Variants in DMD observed in about 807,000 individuals in gnomAD.
DMD encodes mutant dystrophin.
A neutral mutation model predicts 330.1 loss-of-function variants in DMD; 63 were observed. That is an observed-to-expected ratio of 0.19 (90% CI 0.16 to 0.24). The LOEUF (loss-of-function observed/expected upper bound fraction) is 0.24. Ranked by LOEUF, DMD falls within the 10% of genes least tolerant of loss-of-function variation. The pLI is 1.00. For missense variants in DMD, 3,344 were observed against 2,684.1 expected, an observed-to-expected ratio of 1.25 and a Z score of -5.43; for synonymous variants, 1,223 against 959.8, an observed-to-expected ratio of 1.27 and a Z score of -5.07.
chrX:31,309,867 C>T (rs763354208), intron 62 of DMD, among the ~76,000 whole-genome samples: 3 of 111,600 alleles, frequency 2.7e-5, no homozygotes, highest in African/African-American at 9.8e-5. Context: ...AATAGAAAAA[C>T]GTTCATGTAG....
intron 61 of DMD, among the ~76,000 whole-genome samples, chrX:31,332,010 T>G (rs2057153937): frequency 8.9e-6 from 1 of 112,304 alleles, no homozygotes; most frequent in Non-Finnish European, 1.9e-5. Flanking sequence ...CATTTTTCAC[T>G]CAGTTGTGAA....
intron 63 of DMD, among the ~76,000 whole-genome samples, chrX:31,247,509 A>G (rs1480719075): frequency 5.5e-5 from 6 of 109,234 alleles, no homozygotes; most frequent in African/African-American, 2.0e-4. Flanking sequence ...CTGAGGCAGA[A>G]GAATCACTTG....
At chrX:32,173,016 T>TA (rs983025781) in intron 44 of DMD, among the ~76,000 whole-genome samples, 3 of 107,497 alleles carry the variant, frequency 2.8e-5, no homozygotes, top group African/African-American at 1.0e-4. Context: ...ACTGCTCAAT[T>TA]AAAAAAAAAT....
In DMD at chrX:32,094,830, G is replaced by C. The variant is rs1261289648; in HGVS notation, c.6438+122086C>G. Among the ~76,000 whole-genome samples, 3 of 111,839 alleles carry C rather than the reference G, an allele frequency of 2.7e-5. No individual in the cohort carries two copies. In the East Asian group the frequency reaches 8.5e-4, roughly 32 times the overall value. ...TCATGTATTCACAAAACGATGCTTA[G>C]TGGCTTGTGGCAGTACACTGTAAAT... On this transcript the variant is annotated intron_variant, in intron 44 of 78. Transcript: ENST00000357033.
At chrX:32,864,486 T>C (rs1424576759) in intron 2 of DMD, among the ~76,000 whole-genome samples, 2 of 112,465 alleles carry the variant, frequency 1.8e-5, no homozygotes, top group Non-Finnish European at 3.8e-5. Flanking sequence ...ATATCTTTTC[T>C]TTCTTCTATC....
chrX:32,418,020 G>C (rs1236280842), intron 29 of DMD, among the ~76,000 whole-genome samples: 1 of 110,488 alleles, frequency 9.1e-6, no homozygotes, highest in African/African-American at 3.3e-5. Context: ...TTGCCTTCCA[G>C]AGAAAGTCTT....
chrX:31,697,732 T>C (rs2083535564), intron 52 of DMD, among the ~76,000 whole-genome samples: 1 of 112,452 alleles, frequency 8.9e-6, no homozygotes, highest in African/African-American at 3.2e-5. Context: ...GATTACCTTT[T>C]GAATACACAT....
chrX:33,253,040 A>G (rs1215918337), intron 1 of DMD, among the ~76,000 whole-genome samples: 3 of 111,819 alleles, frequency 2.7e-5, no homozygotes, highest in Non-Finnish European at 3.8e-5. Context: ...AAATCAAAGT[A>G]AAACTAAAAA....
rs187826436 is a variant in DMD, at chrX:33,016,567, T to G, written c.93+3572A>C. On this transcript the variant is annotated intron_variant, in intron 2 of 78. Coordinates refer to ENST00000357033, the MANE Select transcript of DMD (RefSeq NM_004006.3). ...GGAACACTATCATATCATGGGCTTT[T>G]GTGAAGACATTAGACAAAACTAATT... Among the ~76,000 whole-genome samples the G allele has an allele frequency of 3.4e-3, 384 of 111,631 alleles. 4 individuals carry two copies. Among genetic ancestry groups the G allele is most frequent in the African/African-American group, 0.011 (353 of 30,786 alleles).
At chrX:31,867,186 T>C (rs2097240147) in intron 48 of DMD, among the ~76,000 whole-genome samples, 1 of 103,606 alleles carries the variant, frequency 9.7e-6, no homozygotes, top group African/African-American at 3.4e-5. Context: ...GGTCTTCTCT[T>C]AATAAGAGAT....
chrX:32,772,276 G>C (rs868082888), intron 7 of DMD, among the ~76,000 whole-genome samples: 1 of 112,465 alleles, frequency 8.9e-6, no homozygotes, highest in Middle Eastern at 4.2e-3. Context: ...AATCTCCTTT[G>C]GAGGGCCTAT....
At chrX:31,733,768 C>G (rs2086673570) in intron 51 of DMD, among the ~76,000 whole-genome samples, 1 of 111,555 alleles carries the variant, frequency 9.0e-6, no homozygotes, top group Non-Finnish European at 1.9e-5. Flanking sequence ...GGCTTCTATT[C>G]TTGCATTCGG....
intron 44 of DMD, among the ~76,000 whole-genome samples, chrX:32,004,354 A>T (rs2095647158): frequency 8.9e-6 from 1 of 111,916 alleles, no homozygotes; most frequent in African/African-American, 3.2e-5. Flanking sequence ...GACAGAACCA[A>T]CAAGATGCAA....
At chrX:31,326,647 C>T (rs1371691420) in intron 61 of DMD, among the ~76,000 whole-genome samples, 2 of 109,923 alleles carry the variant, frequency 1.8e-5, no homozygotes, top group East Asian at 5.7e-4. Flanking sequence ...CTTCCCTGCC[C>T]CATCATAATC....
chrX:32,510,264 G>A (rs1323708165), intron 18 of DMD, among the ~76,000 whole-genome samples: 3 of 111,698 alleles, frequency 2.7e-5, no homozygotes, highest in African/African-American at 9.8e-5. Flanking sequence ...TGATGCTACA[G>A]GCATGCTGCT....
chrX:31,169,047 C>T (rs761143180), intron 74 of DMD, among the ~76,000 whole-genome samples: 5 of 111,592 alleles, frequency 4.5e-5, no homozygotes, highest in African/African-American at 1.3e-4. Flanking sequence ...AAGCCAATAA[C>T]CCTACTTTCT....
At chrX:32,156,479 C>A (rs2096830780) in intron 44 of DMD, among the ~76,000 whole-genome samples, 1 of 112,221 alleles carries the variant, frequency 8.9e-6, no homozygotes, top group African/African-American at 3.2e-5. Flanking sequence ...GCTTATTGCC[C>A]TGACAATTTC....
At chrX:33,214,727 C>T (rs898918365), upstream of DMD, among the ~76,000 whole-genome samples, 1 of 111,945 alleles carries the variant, frequency 8.9e-6, no homozygotes, top group Non-Finnish European at 1.9e-5. Flanking sequence ...AATCATACCT[C>T]GTTATAGTCT....
At chrX:33,020,851 G>A (rs7877162) in intron 1 of DMD, among the ~76,000 whole-genome samples, 1,275 of 110,658 alleles carry the variant, frequency 0.012, 22 homozygotes, top group African/African-American at 0.04. Flanking sequence ...AAACTATTTC[G>A]GAGCCTTTCC....
Sources: allele counts gnomAD v4.1 joint callset (sites outside exome capture counted in the v4.1 genomes callset), GRCh38; gene constraint gnomAD v4.1.1; transcripts MANE v1.5; gene names NCBI Gene and HGNC (gene_info 2026-07-23, HGNC 2026-07-21).